The following BEND7 variants were observed in gnomAD, a reference collection of about 807,000 sequenced individuals.
BEND7 encodes BEN domain containing 7, also known as BEN domain-containing protein 7.
In BEND7, 28 loss-of-function variants were observed where a neutral mutation model predicts 50.9. The ratio of observed to expected loss-of-function variants is 0.55; its 90% CI spans 0.41 to 0.75. The LOEUF (loss-of-function observed/expected upper bound fraction) is 0.75, where lower values mean the gene tolerates loss of function less well. Among genes scored for constraint, BEND7 ranks in the 30% least tolerant of loss-of-function variants. The pLI is 0.00. For missense variants in BEND7, 477 were observed against 491.3 expected, an observed-to-expected ratio of 0.97 and a Z score of 0.28; for synonymous variants, 170 against 183.9, an observed-to-expected ratio of 0.92 and a Z score of 0.61.
intron 4 of BEND7, among the ~76,000 whole-genome samples, chr10:13,495,385 G>A (rs372901275): frequency 6.6e-5 from 10 of 152,222 alleles, no homozygotes; most frequent in African/African-American, 1.7e-4. Flanking sequence ...TGTTTAGCCC[G>A]GCGCGGTGGC....
chr10:13,494,449 T>C (rs1240947181), intron 4 of BEND7, among the ~76,000 whole-genome samples: 2 of 152,056 alleles, frequency 1.3e-5, no homozygotes, highest in Non-Finnish European at 2.9e-5. Flanking sequence ...ACAAAAAAAC[T>C]GAAATGCCTC....
chr10:13,522,307 C>T (rs1023273266), intron 2 of BEND7, among the ~76,000 whole-genome samples: 2 of 152,200 alleles, frequency 1.3e-5, no homozygotes, highest in South Asian at 2.1e-4. Context: ...TCTAAAAGTG[C>T]CCTGCTAGCA....
chr10:13,454,750 G>C (rs1393170468), intron 6 of BEND7, among the ~76,000 whole-genome samples: 14 of 152,134 alleles, frequency 9.2e-5, no homozygotes, highest in East Asian at 1.9e-4. Flanking sequence ...GCAGCTGGTT[G>C]AATCTGTGGA....
Position 13,490,026 on chromosome 10 carries a change from G to C in BEND7, c.837+2585C>G, listed in dbSNP as rs575874442. 5.9e-5 allele frequency among the ~76,000 whole-genome samples: 9 copies of C among 152,302 alleles called. No individual in the cohort carries two copies. In the East Asian group the frequency reaches 1.7e-3, roughly 29 times the overall value. On this transcript the variant is annotated intron_variant, in intron 5 of 8. Coordinates refer to ENST00000466271, the MANE Select transcript of BEND7 (RefSeq NM_001369863.1). The stretch of plus-strand genomic sequence containing the variant: ...CATTTTTGACATTTTGGTTGGTTCT[G>C]ATTAGAACTTAGTGTTTTTCTGCAT...
chr10:13,491,291 C>T (rs1283947433), intron 5 of BEND7, among the ~76,000 whole-genome samples: 11 of 136,358 alleles, frequency 8.1e-5, no homozygotes, highest in South Asian at 2.3e-4. Flanking sequence ...CTAGCCTGGG[C>T]GACACAGCGA....
In BEND7 at chr10:13,528,666, G is replaced by A; in HGVS notation, c.-133C>T. On this transcript the variant is annotated 5_prime_UTR_variant, in exon 1 of 9. Coordinates refer to ENST00000466271, the MANE Select transcript of BEND7 (RefSeq NM_001369863.1). ...GCCGGGACCAAGGTCCGCGCCTGGAGTCGGCGAGGGGAGGCCGCGGGACGG... is the reference window on the plus strand; with the variant it reads ...GCCGGGACCAAGGTCCGCGCCTGGAATCGGCGAGGGGAGGCCGCGGGACGG... 1 of 361,268 alleles carries A rather than the reference G, an allele frequency of 2.8e-6. No individual in the cohort carries two copies. Among genetic ancestry groups the A allele is most frequent in the Non-Finnish European group, 3.8e-6 (1 of 261,576 alleles). 22.4% of individuals were successfully genotyped at this position (361,268 alleles called of 1,614,324 possible). A position where few individuals can be genotyped will look rare whatever the true frequency, so the allele number is the denominator to read the frequency against.
intron 8 of BEND7, chr10:13,444,509 C>G (rs1369744353): frequency 6.6e-6 from 1 of 152,140 alleles, no homozygotes; most frequent in Non-Finnish European, 1.5e-5. Flanking sequence ...ATTGTTGAAT[C>G]TTTAAAAAGA....
At chr10:13,438,862 T>C, downstream of BEND7, 1 of 323,782 alleles carries the variant, frequency 3.1e-6, no homozygotes, top group Non-Finnish European at 5.8e-6. Context: ...CCAACCAGCC[T>C]GACCCTCCTC....
chr10:13,482,135 C>A (rs1292077009), intron 5 of BEND7, among the ~76,000 whole-genome samples: 1 of 152,154 alleles, frequency 6.6e-6, no homozygotes, highest in Admixed American at 6.5e-5. Flanking sequence ...TAGATTGCAG[C>A]CCTCCCTGAT....
At chr10:13,496,209 C>A (rs1428971051) in intron 4 of BEND7, among the ~76,000 whole-genome samples, 3 of 152,204 alleles carry the variant, frequency 2.0e-5, no homozygotes, top group Non-Finnish European at 4.4e-5. Flanking sequence ...AGATGCGCCA[C>A]ACAGCTCCAA....
intron 2 of BEND7, 83 bp downstream of exon 2, chr10:13,526,055 G>A (rs758329869): frequency 2.1e-5 from 14 of 658,920 alleles, no homozygotes; most frequent in South Asian, 5.1e-5. Context: ...GACATTTCCC[G>A]TTCCTGAACA....
Position 13,525,642 on chromosome 10 carries a change from G to C in BEND7, c.145+496C>G, listed in dbSNP as rs181022899. Among the ~76,000 whole-genome samples, 20 of 152,232 alleles carry C rather than the reference G, an allele frequency of 1.3e-4. 1 individual carries two copies. Among genetic ancestry groups the C allele is most frequent in the Admixed American group, 1.3e-3 (20 of 15,302 alleles). ...TTGACTGTAGATTTAATTTAATTTT[G>C]TCATGGCAGGATTAGCAACTGGGCC... On this transcript the variant is annotated intron_variant, in intron 2 of 8. Coordinates refer to ENST00000466271, the MANE Select transcript of BEND7 (RefSeq NM_001369863.1).
downstream of BEND7, chr10:13,439,120 A>G: frequency 6.8e-7 from 1 of 1,468,760 alleles, no homozygotes; most frequent in Non-Finnish European, 9.2e-7. Context: ...CAAGGCTCAG[A>G]TTCCAGTGGA....
chr10:13,472,976 T>C (rs1022331368), intron 6 of BEND7, among the ~76,000 whole-genome samples: 1 of 152,160 alleles, frequency 6.6e-6, no homozygotes, highest in African/African-American at 2.4e-5. Context: ...TCATTGCTCT[T>C]AGACTCGGGG....
chr10:13,455,168 A>G (rs1838657545), intron 6 of BEND7, among the ~76,000 whole-genome samples: 1 of 151,992 alleles, frequency 6.6e-6, no homozygotes, highest in African/African-American at 2.4e-5. Flanking sequence ...CAAGACTCTG[A>G]CTCAAACAAA....
At chr10:13,454,568 T>TA (rs199774806) in intron 6 of BEND7, among the ~76,000 whole-genome samples, 2,474 of 152,240 alleles carry the variant, frequency 0.016, 71 homozygotes, top group African/African-American at 0.056. Flanking sequence ...TGCAGTGAGC[T>TA]ATGATTACAC....
chr10:13,508,747 T>C (rs942096368), intron 2 of BEND7, among the ~76,000 whole-genome samples: 4 of 152,258 alleles, frequency 2.6e-5, no homozygotes, highest in African/African-American at 9.6e-5. Flanking sequence ...TACTAAATTA[T>C]GAGACACAAT....
Position 13,528,885 on chromosome 10 carries a change from G to A in BEND7, c.-352C>T, listed in dbSNP as rs2079575906. 3 of 145,148 alleles carry A rather than the reference G, an allele frequency of 2.1e-5. No homozygotes were observed. The highest frequency in any genetic ancestry group is 4.6e-5 in the Non-Finnish European group (3 of 65,350). The allele number at this position is 145,148 out of a possible 1,614,324, so 9.0% of individuals were successfully genotyped here. A position where few individuals can be genotyped will look rare whatever the true frequency, so the allele number is the denominator to read the frequency against. On this transcript the variant is annotated 5_prime_UTR_variant, in exon 1 of 9. Transcript: ENST00000466271. ...TTCCGTTGGGAGCGGGCCGGGCCGGGGCGCGGCGGCGGCGGCGGAGGCGGG... is the reference window on the plus strand; with the variant it reads ...TTCCGTTGGGAGCGGGCCGGGCCGGAGCGCGGCGGCGGCGGCGGAGGCGGG...
At chr10:13,439,516 A>T, downstream of BEND7, 1 of 1,575,124 alleles carries the variant, frequency 6.3e-7, no homozygotes, top group Admixed American at 1.8e-5. Flanking sequence ...TGAATGAATG[A>T]GTGAATGAAT....
Sources: gnomAD v4.1 joint callset for allele counts (sites outside exome capture counted in the v4.1 genomes callset) on GRCh38, gnomAD v4.1.1 for gene constraint, MANE v1.5 for transcripts, NCBI Gene and HGNC (gene_info 2026-07-23, HGNC 2026-07-21) for gene names.